The following RERE variants were observed in gnomAD, a reference collection of about 807,000 sequenced individuals.
RERE encodes arginine-glutamic acid dipeptide repeats protein.
RERE carries 40 observed loss-of-function variants against 146.1 expected under a neutral mutation model. That is an observed-to-expected ratio of 0.27 (90% CI 0.21 to 0.36). The LOEUF (loss-of-function observed/expected upper bound fraction) is 0.36. RERE is among the 10% of genes least tolerant of loss of function. RERE has a pLI of 1.00. For synonymous variants in RERE, 1,003 were observed against 866.0 expected (o/e 1.16, Z -2.78); for missense variants, 1,933 against 2,138.7 (o/e 0.90, Z 1.90).
At position 8,364,364 on chromosome 1, in the gene RERE, C is replaced by T. The variant is rs1356029020; in HGVS notation, c.1541-109G>A. 3 of 942,148 alleles carry T rather than the reference C, an allele frequency of 3.2e-6. No individual in the cohort carries two copies. The highest frequency in any genetic ancestry group is 1.9e-5 in the Admixed American group (1 of 53,240). The allele number at this position is 942,148 out of a possible 1,614,324, so 58.4% of individuals were successfully genotyped here. A position where few individuals can be genotyped will look rare whatever the true frequency, so the allele number is the denominator to read the frequency against. On this transcript the variant is annotated intron_variant, in intron 14 of 22. Transcript: ENST00000400908. The surrounding 1 kb of genome is among the most constrained non-coding windows in gnomAD (Gnocchi z 5.1). ...CTCTACCCAAACCTGATGCCACCAG[C>T]ACCATGCAGCCCTGGGCCCCAACAC...
At chr1:8,646,052 G>A (rs1244784902) in intron 2 of RERE, among the ~76,000 whole-genome samples, 1 of 147,932 alleles carries the variant, frequency 6.8e-6, no homozygotes, top group Non-Finnish European at 1.5e-5. Context: ...CTGAGGAGAT[G>A]TCACTCAAAT....
At chr1:8,691,925 A>G (rs1047925087) in intron 1 of RERE, among the ~76,000 whole-genome samples, 2 of 152,214 alleles carry the variant, frequency 1.3e-5, no homozygotes, top group African/African-American at 4.8e-5. Flanking sequence ...AAGCCCCTGA[A>G]TATGCACTGC....
intron 6 of RERE, among the ~76,000 whole-genome samples, chr1:8,544,288 C>A (rs1332618963): frequency 6.6e-6 from 1 of 152,176 alleles, no homozygotes; most frequent in Non-Finnish European, 1.5e-5. Flanking sequence ...TCTAAGTTTT[C>A]TTCCTCCCAA....
At chr1:8,574,340 CTTTTTTTTTTT>C (rs35921166) in intron 4 of RERE, among the ~76,000 whole-genome samples, 6 of 87,220 alleles carry the variant, frequency 6.9e-5, no homozygotes, top group Admixed American at 4.6e-4. Flanking sequence ...TATATATAGT[CTTTTTTTTTTT>C]TTTTTTTTTT....
intron 1 of RERE, among the ~76,000 whole-genome samples, chr1:8,695,166 T>TG (rs1270465399): frequency 6.6e-6 from 1 of 152,036 alleles, no homozygotes; most frequent in Admixed American, 6.6e-5. Flanking sequence ...AAACAAGCAA[T>TG]GGGTAAAGGA....
At position 8,583,158 on chromosome 1, in the gene RERE, A is replaced by C. The variant is rs568395577; in HGVS notation, c.523-25635T>G. Among the ~76,000 whole-genome samples, 13 of 152,348 alleles carry C rather than the reference A, an allele frequency of 8.5e-5. No homozygotes were observed. In the South Asian group the frequency reaches 2.7e-3, roughly 32 times the overall value. ...GGCTTAGTAAAACTCTGGTTCAATAAAAACTAACATACTAGAAGTACTAGA... is the reference window on the plus strand; with the variant it reads ...GGCTTAGTAAAACTCTGGTTCAATACAAACTAACATACTAGAAGTACTAGA... On this transcript the variant is annotated intron_variant, in intron 4 of 22. Transcript: ENST00000400908.
At chr1:8,750,951 C>A (rs1285708648) in intron 1 of RERE, 3 of 726,970 alleles carry the variant, frequency 4.1e-6, no homozygotes, top group Non-Finnish European at 7.4e-6. Context: ...GCTTTGATTG[C>A]TCTATCTCTT....
At chr1:8,605,851 T>TTTTC (rs1646702115) in intron 4 of RERE, among the ~76,000 whole-genome samples, 1 of 140,392 alleles carries the variant, frequency 7.1e-6, no homozygotes. Context: ...CAAACTTTTT[T>TTTTC]TTTTTTTTTT....
At chr1:8,378,825 G>A (rs1271778845) in intron 12 of RERE, among the ~76,000 whole-genome samples, 1 of 152,232 alleles carries the variant, frequency 6.6e-6, no homozygotes, top group Non-Finnish European at 1.5e-5. Context: ...GGAACCAGCA[G>A]AGAAGTGAGG....
At chr1:8,712,522 T>TAAG (rs1639689098) in intron 1 of RERE, among the ~76,000 whole-genome samples, 1 of 152,240 alleles carries the variant, frequency 6.6e-6, no homozygotes, top group East Asian at 1.9e-4. Context: ...GTTCATTCTC[T>TAAG]TAAGTGAAAG....
chr1:8,360,414 T>C lies in RERE; in HGVS notation c.3093A>G (p.Gln1031=). Residue 1031 remains glutamine (Q), a synonymous_variant, in exon 18 of 23, where the codon CAA becomes CAG. Coordinates refer to ENST00000400908, the MANE Select transcript of RERE (RefSeq NM_001042681.2). ...PPTGLHQVAP[Q]PPFAQHPFVP... is the part of the protein sequence containing the mutation. ...CAAAGGGGTGCTGAGCAAACGGGGG[T>C]TGGGGGGCCACCTGGTGGAGGCCTG... 3.9e-6 allele frequency: 3 copies of C among 765,028 alleles called. No individual in the cohort carries two copies. Among genetic ancestry groups the C allele is most frequent in the Non-Finnish European group, 4.6e-6 (3 of 653,312 alleles). The allele number at this position is 765,028 out of a possible 1,614,324, so 47.4% of individuals were successfully genotyped here.
chr1:8,811,595 G>A (rs970819045), intron 1 of RERE, among the ~76,000 whole-genome samples: 2 of 152,178 alleles, frequency 1.3e-5, no homozygotes, highest in African/African-American at 2.4e-5. Flanking sequence ...ACAACAGAGC[G>A]AGACCCTCTC....
At chr1:8,501,027 CG>C (rs1187425730) in intron 8 of RERE, among the ~76,000 whole-genome samples, 2 of 38,294 alleles carry the variant, frequency 5.2e-5, no homozygotes, top group Admixed American at 2.7e-4. Flanking sequence ...CCACCCCGTC[CG>C]GGAGGGGGGG....
intron 2 of RERE, among the ~76,000 whole-genome samples, chr1:8,627,808 T>C (rs753681031): frequency 6.6e-5 from 10 of 152,206 alleles, no homozygotes; most frequent in Non-Finnish European, 1.3e-4. Context: ...TGTTCTTTCA[T>C]TTCCCGCTGC....
At chr1:8,642,389 T>C (rs781591874) in intron 2 of RERE, among the ~76,000 whole-genome samples, 1 of 152,192 alleles carries the variant, frequency 6.6e-6, no homozygotes, top group Non-Finnish European at 1.5e-5. Context: ...TGTAACTGAT[T>C]CAGATTTGTG....
intron 11 of RERE, among the ~76,000 whole-genome samples, chr1:8,436,915 C>T (rs1227227154): frequency 6.6e-6 from 1 of 152,162 alleles, no homozygotes; most frequent in African/African-American, 2.4e-5. Context: ...CAGTGGTTAC[C>T]ACATTGGAAA....
At chr1:8,632,021 C>T (rs1279679160) in intron 2 of RERE, among the ~76,000 whole-genome samples, 3 of 152,172 alleles carry the variant, frequency 2.0e-5, no homozygotes, top group African/African-American at 7.2e-5. Context: ...AATTTAACGA[C>T]TCATCCCCTC....
intron 8 of RERE, among the ~76,000 whole-genome samples, chr1:8,504,966 G>A (rs759834502): frequency 6.6e-6 from 1 of 152,184 alleles, no homozygotes; most frequent in Admixed American, 6.5e-5. Context: ...GGAAGGCAGG[G>A]TACCAAACTA....
chr1:8,720,908 T>C (rs1639852208), intron 1 of RERE, among the ~76,000 whole-genome samples: 1 of 152,022 alleles, frequency 6.6e-6, no homozygotes. Flanking sequence ...TTACAAAAAT[T>C]AGCCAGACAT....
Sources: gnomAD v4.1 joint callset for allele counts (sites outside exome capture counted in the v4.1 genomes callset) on GRCh38, gnomAD v4.1.1 for gene constraint, Gnocchi (gnomAD v3.1) non-coding constraint, MANE v1.5 for transcripts, NCBI Gene and HGNC (gene_info 2026-07-23, HGNC 2026-07-21) for gene names.